The following WDR7 variants were observed in gnomAD, a reference collection of about 807,000 sequenced individuals.
WDR7 encodes WD repeat-containing protein 7.
In WDR7, 46 loss-of-function variants were observed where a neutral mutation model predicts 169.4. The observed-to-expected ratio is 0.27, with a 90% confidence interval of 0.21 to 0.35. The LOEUF is 0.35. Among genes scored for constraint, WDR7 ranks in the 10% least tolerant of loss-of-function variants. The probability of loss-of-function intolerance (pLI) is 1.00; values close to 1 mark genes in which losing one functional copy is unlikely to be tolerated. For synonymous variants in WDR7, 612 were observed against 666.8 expected, an observed-to-expected ratio of 0.92 and a Z score of 1.27; for missense variants, 1,534 against 1,859.3, an observed-to-expected ratio of 0.83 and a Z score of 3.22.
At chr18:56,877,589 T>TA (rs1362607477) in intron 20 of WDR7, among the ~76,000 whole-genome samples, 1 of 152,196 alleles carries the variant, frequency 6.6e-6, no homozygotes, top group Non-Finnish European at 1.5e-5. Context: ...GACATGGATA[T>TA]AAAAAAGCCT....
rs548022456 is a variant in WDR7 at position 56,865,747 on chromosome 18, A to G, written c.3305-14197A>G. ...TCTGTATGGTAATGCATTGATGCTCAGTACTTTGTTTTTGGTATGTTTCAG... is the reference window on the plus strand; with the variant it reads ...TCTGTATGGTAATGCATTGATGCTCGGTACTTTGTTTTTGGTATGTTTCAG... On this transcript the variant is annotated intron_variant, in intron 20 of 27. Coordinates refer to ENST00000254442, the MANE Select transcript of WDR7 (RefSeq NM_015285.3). 1.1e-4 allele frequency among the ~76,000 whole-genome samples: 16 copies of G among 152,280 alleles called. No homozygotes were observed. The South Asian group carries it at 3.1e-3, about 30-fold the overall frequency.
At chr18:57,007,989 C>G (rs1183153102) in intron 26 of WDR7, among the ~76,000 whole-genome samples, 2 of 152,170 alleles carry the variant, frequency 1.3e-5, no homozygotes. Flanking sequence ...ATCTGCCTTT[C>G]TTTTCATAAA....
chr18:56,936,654 C>A (rs1438674165), intron 23 of WDR7, among the ~76,000 whole-genome samples: 1 of 152,090 alleles, frequency 6.6e-6, no homozygotes, highest in Non-Finnish European at 1.5e-5. Flanking sequence ...AAACTGAAAC[C>A]TACTGGGCCT....
Position 56,880,087 on chromosome 18 carries a change from C to T in WDR7, c.3448C>T (p.Pro1150Ser), listed in dbSNP as rs1239639246. 3.7e-6 allele frequency: 6 copies of T among 1,614,060 alleles called. No homozygotes were observed. In the African/African-American group the frequency reaches 5.3e-5, roughly 14 times the overall value. The stretch of plus-strand genomic sequence containing the variant: ...TGAACCTCCTAAACTATTGACCAGA[C>T]CTCGAAGCTCTAGCCAAATTCCTGA... ...EIEPPKLLTR[P>S]RSSSQIPEGF... Residue 1150 changes from proline to serine, a missense_variant, in exon 21 of 28, where the codon CCT becomes TCT. Pro to Ser is a moderately conservative substitution (Grantham distance 74). Transcript: ENST00000254442.
At chr18:56,862,798 CTT>C (rs906195058) in intron 20 of WDR7, among the ~76,000 whole-genome samples, 3 of 151,730 alleles carry the variant, frequency 2.0e-5, no homozygotes, top group Admixed American at 6.6e-5. Flanking sequence ...TGCTATATCT[CTT>C]ATTGATATTC....
chr18:56,910,121 G>T (rs1463919821), intron 21 of WDR7, among the ~76,000 whole-genome samples: 1 of 152,108 alleles, frequency 6.6e-6, no homozygotes, highest in African/African-American at 2.4e-5. Context: ...ACAAAATTAG[G>T]ATGGAATATT....
intron 25 of WDR7, among the ~76,000 whole-genome samples, chr18:56,954,637 C>T (rs1599189245): frequency 1.3e-5 from 2 of 152,034 alleles, no homozygotes; most frequent in Admixed American, 6.6e-5. Flanking sequence ...TAAAGAGTTA[C>T]GTTCACTTCT....
chr18:57,022,469 G>T (rs1042156458), intron 27 of WDR7, among the ~76,000 whole-genome samples: 2 of 152,018 alleles, frequency 1.3e-5, no homozygotes, highest in African/African-American at 4.8e-5. Context: ...TCTGTCCAGG[G>T]TTTCTTCTTT....
rs375155470 is a variant in WDR7 at position 56,701,399 on chromosome 18, T to C, written c.1578+4937T>C. Reference sequence around the variant, plus strand: ...TCAGTTTCTTGATAAAACAAACTACTATATATCATTTGCTTGAAATAAAGC... The same window carrying C: ...TCAGTTTCTTGATAAAACAAACTACCATATATCATTTGCTTGAAATAAAGC... On this transcript the variant is annotated intron_variant, in intron 12 of 27. Transcript: ENST00000254442. Among the ~76,000 whole-genome samples, 5 of 152,350 alleles carry C rather than the reference T, an allele frequency of 3.3e-5. No individual in the cohort carries two copies. In the East Asian group the frequency reaches 5.8e-4, roughly 18 times the overall value.
intron 6 of WDR7, among the ~76,000 whole-genome samples, 179 bp downstream of exon 6, chr18:56,686,211 T>A (rs2025441046): frequency 6.6e-6 from 1 of 152,170 alleles, no homozygotes; most frequent in South Asian, 2.1e-4. Flanking sequence ...GTGAATTTTT[T>A]ATTTACTTTT....
chr18:56,766,774 T>C (rs2044075088), intron 16 of WDR7, among the ~76,000 whole-genome samples: 2 of 152,142 alleles, frequency 1.3e-5, no homozygotes, highest in Non-Finnish European at 2.9e-5. Flanking sequence ...TTTTTCCTTG[T>C]CTCTACCTAA....
At chr18:56,822,375 G>C (rs191192822) in intron 20 of WDR7, among the ~76,000 whole-genome samples, 405 of 152,202 alleles carry the variant, frequency 2.7e-3, no homozygotes, top group African/African-American at 9.3e-3. Flanking sequence ...AAATAGAACT[G>C]AAAAAGATGT....
At chr18:56,686,393 A>T (rs2025444932) in intron 6 of WDR7, among the ~76,000 whole-genome samples, 1 of 152,192 alleles carries the variant, frequency 6.6e-6, no homozygotes, top group South Asian at 2.1e-4. Context: ...AGCCATTTTT[A>T]GTCATCTATT....
chr18:57,005,749 GGAA>G (rs1483825347), intron 26 of WDR7, among the ~76,000 whole-genome samples: 2 of 152,130 alleles, frequency 1.3e-5, no homozygotes, highest in South Asian at 2.1e-4. Flanking sequence ...GGGCCATACT[GGAA>G]GAAGAAGAAT....
intron 26 of WDR7, among the ~76,000 whole-genome samples, chr18:56,972,390 C>T: frequency 6.6e-6 from 1 of 152,160 alleles, no homozygotes; most frequent in Non-Finnish European, 1.5e-5. Flanking sequence ...TTTCACTGAG[C>T]AGAAGTCTAT....
At chr18:57,008,518 A>G (rs2048096496) in intron 26 of WDR7, among the ~76,000 whole-genome samples, 1 of 152,158 alleles carries the variant, frequency 6.6e-6, no homozygotes, top group Non-Finnish European at 1.5e-5. Context: ...AGGCAGAGTG[A>G]CACGGGAGTG....
intron 25 of WDR7, among the ~76,000 whole-genome samples, chr18:56,955,892 C>T (rs1171925027): frequency 1.3e-5 from 2 of 152,116 alleles, no homozygotes; most frequent in Non-Finnish European, 2.9e-5. Flanking sequence ...AAGTATAGAT[C>T]CAGGCAATAA....
At chr18:56,704,874 G>A (rs951693168) in intron 12 of WDR7, among the ~76,000 whole-genome samples, 1 of 152,248 alleles carries the variant, frequency 6.6e-6, no homozygotes, top group Non-Finnish European at 1.5e-5. Flanking sequence ...CCTAGTGAAT[G>A]AAGTAGCTGA....
chr18:56,967,898 C>T (rs1236468246), intron 26 of WDR7, among the ~76,000 whole-genome samples: 2 of 152,250 alleles, frequency 1.3e-5, no homozygotes, highest in South Asian at 2.1e-4. Context: ...AATAGTTATA[C>T]TGTATTGGTT....
Sources: allele counts gnomAD v4.1 joint callset (sites outside exome capture counted in the v4.1 genomes callset), GRCh38; gene constraint gnomAD v4.1.1; transcripts MANE v1.5; gene names NCBI Gene and HGNC (gene_info 2026-07-23, HGNC 2026-07-21).